The following PRR16 variants were observed in gnomAD, a reference collection of about 807,000 sequenced individuals.
The protein encoded by PRR16 is proline rich 16, also known as protein Largen.
In PRR16, 6 loss-of-function variants were observed where a neutral mutation model predicts 18.2. That is an observed-to-expected ratio of 0.33 (90% confidence interval 0.18 to 0.65). The LOEUF (loss-of-function observed/expected upper bound fraction) is 0.65, where lower values mean the gene tolerates loss of function less well. Among genes scored for constraint, PRR16 ranks in the 30% least tolerant of loss-of-function variants. The pLI, the probability that PRR16 is intolerant of heterozygous loss-of-function variation, is 0.74. For missense variants in PRR16, 412 were observed against 376.6 expected, an observed-to-expected ratio of 1.09 and a Z score of -0.78; for synonymous variants, 151 against 147.8, an observed-to-expected ratio of 1.02 and a Z score of -0.16.
At chr5:120,472,654 T>G (rs1339037515) in intron 1 of PRR16, among the ~76,000 whole-genome samples, 3 of 152,048 alleles carry the variant, frequency 2.0e-5, no homozygotes, top group Non-Finnish European at 2.9e-5. Context: ...TTTTCAGAAT[T>G]AAAAGTCCTG....
chr5:120,782,058 C>G, the PRR16 span, among the ~76,000 whole-genome samples: 6 of 152,266 alleles, frequency 3.9e-5, no homozygotes, highest in African/African-American at 1.4e-4. Flanking sequence ...TACTACTTTT[C>G]TTTCATGCAC....
At chr5:120,730,572 T>C in the PRR16 span, among the ~76,000 whole-genome samples, 1 of 152,162 alleles carries the variant, frequency 6.6e-6, no homozygotes, top group East Asian at 1.9e-4. Flanking sequence ...TAGGAATAAC[T>C]GGCTCTTCAG....
the PRR16 span, among the ~76,000 whole-genome samples, chr5:120,751,343 G>C: frequency 1.8e-4 from 27 of 152,048 alleles, no homozygotes; most frequent in African/African-American, 5.8e-4. Context: ...TTTTGAGACA[G>C]CTCCATACTG....
At chr5:120,565,459 C>T (rs1026346466) in intron 1 of PRR16, among the ~76,000 whole-genome samples, 4 of 152,124 alleles carry the variant, frequency 2.6e-5, no homozygotes, top group Non-Finnish European at 5.9e-5. Flanking sequence ...TCTGATTAAC[C>T]TTGCCTAAAT....
At chr5:120,528,763 C>T (rs1310582833) in intron 1 of PRR16, among the ~76,000 whole-genome samples, 3 of 152,146 alleles carry the variant, frequency 2.0e-5, no homozygotes, top group Non-Finnish European at 4.4e-5. Context: ...CAGGCTGAGG[C>T]AGCTGTCTAG....
intron 1 of PRR16, among the ~76,000 whole-genome samples, chr5:120,567,575 A>G (rs1752776536): frequency 6.6e-6 from 1 of 152,112 alleles, no homozygotes; most frequent in Admixed American, 6.6e-5. Context: ...TCAGTGTTGG[A>G]GGAAGGGCCT....
At chr5:120,712,876 A>C in the PRR16 span, among the ~76,000 whole-genome samples, 2 of 152,306 alleles carry the variant, frequency 1.3e-5, no homozygotes, top group African/African-American at 4.8e-5. Context: ...TGTTGATAGG[A>C]ATGTAAATTG....
intron 1 of PRR16, among the ~76,000 whole-genome samples, chr5:120,671,730 A>G (rs1213823470): frequency 6.6e-6 from 1 of 152,166 alleles, no homozygotes; most frequent in Non-Finnish European, 1.5e-5. Context: ...TAAGTGTAAT[A>G]CTGTATATTT....
intron 1 of PRR16, among the ~76,000 whole-genome samples, chr5:120,646,215 T>A (rs1208945691): frequency 6.6e-6 from 1 of 151,590 alleles, no homozygotes; most frequent in African/African-American, 2.4e-5. Flanking sequence ...AAATTTTCAG[T>A]CACCTTATTT....
intron 1 of PRR16, among the ~76,000 whole-genome samples, chr5:120,608,839 A>G (rs145862469): frequency 0.013 from 2,052 of 152,160 alleles, 32 homozygotes; most frequent in Middle Eastern, 0.1. Context: ...GGATTAACCT[A>G]TTTCTGGTGG....
the PRR16 span, among the ~76,000 whole-genome samples, chr5:120,752,774 T>C: frequency 6.6e-6 from 1 of 151,874 alleles, no homozygotes; most frequent in African/African-American, 2.4e-5. Context: ...GTAGGGAAAA[T>C]ACTCATTACG....
intron 1 of PRR16, among the ~76,000 whole-genome samples, chr5:120,619,245 CAT>C (rs1462048637): frequency 6.6e-6 from 1 of 152,054 alleles, no homozygotes; most frequent in Non-Finnish European, 1.5e-5. Flanking sequence ...ATCTCTCAAA[CAT>C]AGTTCTAATT....
intron 1 of PRR16, among the ~76,000 whole-genome samples, chr5:120,684,271 C>G (rs552009238): frequency 2.6e-4 from 39 of 152,258 alleles, no homozygotes; most frequent in African/African-American, 8.4e-4. Flanking sequence ...TGCAGGCCTT[C>G]GAGACATCCA....
intron 1 of PRR16, chr5:120,618,566 G>A (rs940166015): frequency 1.7e-5 from 16 of 936,902 alleles, no homozygotes; most frequent in Non-Finnish European, 1.9e-5. Flanking sequence ...TACTTCAGAG[G>A]TAAGTAAAAA....
At chr5:120,783,829 A>C in the PRR16 span, among the ~76,000 whole-genome samples, 2 of 152,042 alleles carry the variant, frequency 1.3e-5, no homozygotes, top group Non-Finnish European at 2.9e-5. Context: ...AATCTAACTG[A>C]ATTTTTGTAC....
At chr5:120,625,024 G>C (rs1006524982) in intron 1 of PRR16, among the ~76,000 whole-genome samples, 2 of 152,178 alleles carry the variant, frequency 1.3e-5, no homozygotes, top group African/African-American at 4.8e-5. Flanking sequence ...GGAACTGTAA[G>C]TCCAATAAAC....
the PRR16 span, among the ~76,000 whole-genome samples, chr5:120,701,512 G>C: frequency 6.6e-6 from 1 of 152,204 alleles, no homozygotes; most frequent in African/African-American, 2.4e-5. Context: ...TTGCTGGGCA[G>C]GAGGGGGAGG....
At chr5:120,779,794 A>C in the PRR16 span, among the ~76,000 whole-genome samples, 2 of 152,182 alleles carry the variant, frequency 1.3e-5, no homozygotes, top group African/African-American at 4.8e-5. Flanking sequence ...TTCTTGGCAT[A>C]TCTGCTACTG....
chr5:120,735,465 C>T, the PRR16 span, among the ~76,000 whole-genome samples: 1 of 152,120 alleles, frequency 6.6e-6, no homozygotes, highest in African/African-American at 2.4e-5. Flanking sequence ...TCTTTACATC[C>T]TTACCCATAT....
Sources: allele counts gnomAD v4.1 joint callset (sites outside exome capture counted in the v4.1 genomes callset), GRCh38; gene constraint gnomAD v4.1.1; transcripts MANE v1.5; gene names NCBI Gene and HGNC (gene_info 2026-07-23, HGNC 2026-07-21).